Variants in PKN3 observed in about 807,000 individuals in gnomAD.
The protein encoded by PKN3 is protein kinase N3.
PKN3 carries 91 observed loss-of-function variants against 113.1 expected under a neutral mutation model. That is an observed-to-expected ratio of 0.80 (90% confidence interval 0.68 to 0.96). The LOEUF (loss-of-function observed/expected upper bound fraction) is 0.96, where lower values mean the gene tolerates loss of function less well. PKN3 is among the 40% of genes least tolerant of loss of function. The probability of loss-of-function intolerance (pLI) is 0.00; values close to 1 mark genes in which losing one functional copy is unlikely to be tolerated. For synonymous variants in PKN3, 467 were observed against 499.0 expected (o/e 0.94, Z 0.85); for missense variants, 1,052 against 1,202.2 (o/e 0.88, Z 1.85).
chr9:128,705,798 C>CCGGAGGCAGCTGCATGTG lies in PKN3; in HGVS notation c.331_348dup (p.Arg111_Val116dup), dbSNP rs1322436072. On this transcript the variant is annotated inframe_insertion, in exon 3 of 22. Coordinates refer to ENST00000291906, the MANE Select transcript of PKN3 (RefSeq NM_013355.5). ...TCAGGGCTCGGCACCTAGAGGCTCT[C>CCGGAGGCAGCTGCATGTG]CGGAGGCAGCTGCATGTGGAGCTGA... The CCGGAGGCAGCTGCATGTG allele has an allele frequency of 1.2e-6, 2 of 1,608,270 alleles. No individual in the cohort carries two copies. The highest frequency in any genetic ancestry group is 4.5e-5 in the East Asian group (2 of 44,670).
At chr9:128,704,273 G>A (rs181219763) in intron 1 of PKN3, 102 of 481,654 alleles carry the variant, frequency 2.1e-4, no homozygotes, top group African/African-American at 1.8e-3. Flanking sequence ...GGGTGAAGCC[G>A]TGAGAGAGCC....
intron 9 of PKN3, 90 bp downstream of exon 9, chr9:128,713,732 C>T: frequency 7.6e-7 from 1 of 1,313,096 alleles, no homozygotes; most frequent in Non-Finnish European, 1.1e-6. Flanking sequence ...CGTGTAGGTG[C>T]AGAGACTGAC....
rs375061955 is a variant in PKN3 at position 128,703,617 on chromosome 9, G to C, written c.24+678G>C. ...CCTGTTCCGGAGCGAGTGGTTGGGA[G>C]GGGGGCATTTGCGGACAGGAGTGGG... On this transcript the variant is annotated intron_variant, in intron 1 of 21. Transcript: ENST00000291906. The C allele has an allele frequency of 3.9e-5, 38 of 985,438 alleles. No individual in the cohort carries two copies. In the Admixed American group the frequency reaches 6.1e-4, roughly 16 times the overall value. The allele number at this position is 985,438 out of a possible 1,614,324, so 61.0% of individuals were successfully genotyped here. A position where few individuals can be genotyped will look rare whatever the true frequency, so the allele number is the denominator to read the frequency against.
intron 9 of PKN3, 38 bp from the exon 10 acceptor site, chr9:128,714,008 G>A (rs1236419097): frequency 1.2e-6 from 2 of 1,605,462 alleles, no homozygotes; most frequent in South Asian, 2.2e-5. Context: ...GATGAGATGG[G>A]AGGCGACTGG....
At chr9:128,703,811 C>G (rs989101029) in intron 1 of PKN3, 5 of 985,454 alleles carry the variant, frequency 5.1e-6, no homozygotes, top group Non-Finnish European at 6.0e-6. Context: ...CCTCCCACCC[C>G]CTTCCTCTGG....
intron 15 of PKN3, 147 bp from the exon 16 acceptor site, chr9:128,716,596 TCAAA>T: frequency 1.7e-5 from 8 of 481,312 alleles, no homozygotes; most frequent in South Asian, 4.8e-5. Context: ...AGACTGTGTC[TCAAA>T]AAAAAAAAAA....
intron 1 of PKN3, among the ~76,000 whole-genome samples, chr9:128,704,843 G>A (rs147893675): frequency 0.017 from 2,559 of 151,848 alleles, 31 homozygotes; most frequent in Non-Finnish European, 0.026. Context: ...GCTTGAACCC[G>A]GGAGGCAGAG....
chr9:128,711,932 T>C (rs1480271443), intron 6 of PKN3, among the ~76,000 whole-genome samples: 1 of 142,114 alleles, frequency 7.0e-6, no homozygotes, highest in Non-Finnish European at 1.5e-5. Flanking sequence ...TTTTTTGAGC[T>C]GGAGTCTTGC....
intron 1 of PKN3, among the ~76,000 whole-genome samples, chr9:128,704,297 C>T (rs1417182355): frequency 2.0e-5 from 3 of 152,172 alleles, no homozygotes; most frequent in African/African-American, 7.2e-5. Flanking sequence ...TACTTCCTCC[C>T]GGGAGCTGAG....
At chr9:128,705,164 G>T in intron 1 of PKN3, 139 bp from the exon 2 acceptor site, 1 of 1,088,060 alleles carries the variant, frequency 9.2e-7, no homozygotes, top group African/African-American at 1.6e-5. Flanking sequence ...TCTAAGGGGA[G>T]AGAGGCTTCC....
chr9:128,713,810 G>A (rs1329563354), intron 9 of PKN3, among the ~76,000 whole-genome samples, 168 bp downstream of exon 9: 1 of 152,212 alleles, frequency 6.6e-6, no homozygotes, highest in Non-Finnish European at 1.5e-5. Flanking sequence ...CTGGAGGCCT[G>A]GGTCCTTGTC....
chr9:128,711,612 G>A (rs950915746), intron 6 of PKN3, among the ~76,000 whole-genome samples: 3 of 134,050 alleles, frequency 2.2e-5, no homozygotes, highest in Non-Finnish European at 3.2e-5. Flanking sequence ...TTTTGGGGGG[G>A]GTGGGGGACA....
At chr9:128,707,198 G>A in intron 5 of PKN3, 24 bp from the exon 6 acceptor site, 1 of 1,591,342 alleles carries the variant, frequency 6.3e-7, no homozygotes, top group Non-Finnish European at 8.6e-7. Flanking sequence ...CCACGAACCT[G>A]GCTCTACGTT....
chr9:128,702,811 C>A lies in PKN3; in HGVS notation c.-105C>A. Reference sequence around the variant, plus strand: ...GGGGCGCCCGATCCCGCGTCTCCGGCGCCGCTTCCCGGGAAGTTTCAAGTT... The same window carrying A: ...GGGGCGCCCGATCCCGCGTCTCCGGAGCCGCTTCCCGGGAAGTTTCAAGTT... On this transcript the variant is annotated 5_prime_UTR_variant, in exon 1 of 22. Transcript: ENST00000291906. 11 of 854,454 alleles carry A rather than the reference C, an allele frequency of 1.3e-5. No individual in the cohort carries two copies. The highest frequency in any genetic ancestry group is 3.1e-5 in the South Asian group (2 of 65,348). 52.9% of individuals were successfully genotyped at this position (854,454 alleles called of 1,614,324 possible). A position where few individuals can be genotyped will look rare whatever the true frequency, so the allele number is the denominator to read the frequency against.
rs531015031 is a variant in PKN3 at position 128,716,104 on chromosome 9, C to T, written c.1809-643C>T. Reference sequence around the variant, plus strand: ...GGAGGATTGCTTGAGCCCAGGAGTTCGAGGCCAGCCTGGACAACATGGTGA... The same window carrying T: ...GGAGGATTGCTTGAGCCCAGGAGTTTGAGGCCAGCCTGGACAACATGGTGA... On this transcript the variant is annotated intron_variant, in intron 15 of 21. Coordinates refer to ENST00000291906, the MANE Select transcript of PKN3 (RefSeq NM_013355.5). Among the ~76,000 whole-genome samples the T allele has an allele frequency of 4.2e-3, 631 of 151,486 alleles. 8 individuals carry two copies. Among genetic ancestry groups the T allele is most frequent in the African/African-American group, 0.014 (593 of 41,270 alleles).
rs776507509 is a variant in PKN3 at position 128,718,615 on chromosome 9, C to T, written c.2115C>T (p.Leu705=). The change falls in exon 18 of 22, where the codon CTC becomes CTT. Residue 705 remains leucine (L), a synonymous_variant. Transcript: ENST00000291906. ...QGFLKIADFG[L]CKEGIGFGDR... ...TCCTGAAGATCGCAGACTTTGGACT[C>T]TGCAAGGAAGGTGGGGGCCGCCCAT... 1 of 1,614,046 alleles carries T rather than the reference C, an allele frequency of 6.2e-7. No individual in the cohort carries two copies. The highest frequency in any genetic ancestry group is 8.5e-7 in the Non-Finnish European group (1 of 1,179,990).
At chr9:128,713,014 T>G in intron 6 of PKN3, 38 bp from the exon 7 acceptor site, 1 of 1,557,056 alleles carries the variant, frequency 6.4e-7, no homozygotes, top group Non-Finnish European at 8.7e-7. Context: ...AGTGGGAAGA[T>G]GGCATCTGAC....
chr9:128,719,551 T>C (rs1862459708), intron 18 of PKN3, 135 bp from the exon 19 acceptor site: 1 of 903,796 alleles, frequency 1.1e-6, no homozygotes, highest in South Asian at 1.8e-5. Flanking sequence ...AATGGCGTCA[T>C]AACCATTCCC....
chr9:128,713,732 C>G, intron 9 of PKN3, 90 bp downstream of exon 9: 1 of 1,313,096 alleles, frequency 7.6e-7, no homozygotes, highest in East Asian at 2.3e-5. Context: ...CGTGTAGGTG[C>G]AGAGACTGAC....
Sources: gnomAD v4.1 joint callset for allele counts (sites outside exome capture counted in the v4.1 genomes callset) on GRCh38, gnomAD v4.1.1 for gene constraint, MANE v1.5 for transcripts, NCBI Gene and HGNC (gene_info 2026-07-23, HGNC 2026-07-21) for gene names.